The following GTF2IRD1 variants were observed in gnomAD, a reference collection of about 807,000 sequenced individuals.
GTF2IRD1 encodes general transcription factor II-I repeat domain-containing protein 1.
In GTF2IRD1, 26 loss-of-function variants were observed where a neutral mutation model predicts 113.2. The observed-to-expected ratio is 0.23, with a 90% CI of 0.17 to 0.32. The LOEUF is 0.32. Among genes scored for constraint, GTF2IRD1 ranks in the 10% least tolerant of loss-of-function variants. The pLI, the probability that GTF2IRD1 is intolerant of heterozygous loss-of-function variation, is 1.00. For synonymous variants in GTF2IRD1, 484 were observed against 529.1 expected (o/e 0.91, Z 1.17); for missense variants, 864 against 1,280.8 (o/e 0.67, Z 4.97).
chr7:74,602,235 C>A (rs1554374365), intron 26 of GTF2IRD1, 130 bp from the exon 27 acceptor site: 3 of 1,102,040 alleles, frequency 2.7e-6, no homozygotes, highest in Non-Finnish European at 2.5e-6. Context: ...GAGTGAAACT[C>A]CATCTCAAAA....
At chr7:74,530,448 A>C (rs1797892889) in intron 9 of GTF2IRD1, among the ~76,000 whole-genome samples, 1 of 151,158 alleles carries the variant, frequency 6.6e-6, no homozygotes, top group Non-Finnish European at 1.5e-5. Context: ...TGAGGATTGA[A>C]TGGAAAATGC....
intron 1 of GTF2IRD1, among the ~76,000 whole-genome samples, chr7:74,471,665 A>C (rs2117011322): frequency 8.7e-6 from 1 of 115,054 alleles, no homozygotes; most frequent in South Asian, 3.1e-4. Context: ...TATCTTTTTG[A>C]AATATTTAAA....
At chr7:74,488,434 A>T (rs1554335977) in intron 1 of GTF2IRD1, among the ~76,000 whole-genome samples, 1 of 152,192 alleles carries the variant, frequency 6.6e-6, no homozygotes, top group East Asian at 1.9e-4. Context: ...GTAAAGACTG[A>T]CTTAAGTAGG....
At chr7:74,556,407 G>A (rs1298062827) in intron 19 of GTF2IRD1, among the ~76,000 whole-genome samples, 1 of 150,856 alleles carries the variant, frequency 6.6e-6, no homozygotes, top group Non-Finnish European at 1.5e-5. Context: ...TGCAACCTCC[G>A]CTTCCCGGGT....
At chr7:74,484,453 C>CT (rs1173256681) in intron 1 of GTF2IRD1, among the ~76,000 whole-genome samples, 4,052 of 126,076 alleles carry the variant, frequency 0.032, 262 homozygotes, top group African/African-American at 0.11. Flanking sequence ...GGCCATCCTT[C>CT]TTTTTTTTTT....
chr7:74,559,561 C>T (rs190787987), intron 21 of GTF2IRD1, 66 bp from the exon 22 acceptor site: 1 of 1,448,538 alleles, frequency 6.9e-7, no homozygotes, highest in Non-Finnish European at 9.5e-7. Flanking sequence ...GCCACTGAAT[C>T]CCAGGGGTGT....
At chr7:74,577,398 G>A (rs1354289696) in intron 22 of GTF2IRD1, among the ~76,000 whole-genome samples, 3 of 151,984 alleles carry the variant, frequency 2.0e-5, no homozygotes, top group Admixed American at 2.0e-4. Context: ...ACACACACGC[G>A]CACACACATA....
intron 14 of GTF2IRD1, among the ~76,000 whole-genome samples, chr7:74,544,222 ACT>A (rs1798797705): frequency 6.6e-6 from 1 of 151,908 alleles, no homozygotes; most frequent in African/African-American, 2.4e-5. Flanking sequence ...ACGGAGTCTC[ACT>A]CTGTTGCCCA....
At chr7:74,461,793 G>A (rs1793386287) in intron 1 of GTF2IRD1, among the ~76,000 whole-genome samples, 1 of 152,098 alleles carries the variant, frequency 6.6e-6, no homozygotes, top group Non-Finnish European at 1.5e-5. Context: ...TAGCCAGGCT[G>A]GTTTTGAACT....
At chr7:74,468,371 A>AAC (rs1554331453) in intron 1 of GTF2IRD1, among the ~76,000 whole-genome samples, 1 of 151,654 alleles carries the variant, frequency 6.6e-6, no homozygotes, top group African/African-American at 2.4e-5. Context: ...AAAAAAAAAA[A>AAC]AACCCAGCCA....
At position 74,521,218 on chromosome 7, in the gene GTF2IRD1, C is replaced by T; in HGVS notation, c.927C>T (p.Pro309=). ...QDFSDCCGQK[P]TGPGGPLIQN... ...CTCTCCCTTGTCCAGGACAGAAGCC[C>T]ACTGGGCCTGGTGGGCCTCTCATCC... The change falls in exon 7 of 27, where the codon CCC becomes CCT. Residue 309 remains proline, a synonymous_variant. Coordinates refer to ENST00000424337, the MANE Select transcript of GTF2IRD1 (RefSeq NM_005685.4). 1.3e-6 allele frequency: 2 copies of T among 1,599,074 alleles called. No homozygotes were observed. The highest frequency in any genetic ancestry group is 1.7e-6 in the Non-Finnish European group (2 of 1,166,790).
chr7:74,579,915 G>A (rs1338391131), intron 22 of GTF2IRD1, among the ~76,000 whole-genome samples: 1 of 152,116 alleles, frequency 6.6e-6, no homozygotes, highest in African/African-American at 2.4e-5. Context: ...GATCAAAATG[G>A]GTCAAGCCTT....
intron 4 of GTF2IRD1, 46 bp downstream of exon 4, chr7:74,515,642 A>T (rs782556366): frequency 6.4e-7 from 1 of 1,559,146 alleles, no homozygotes; most frequent in Non-Finnish European, 8.7e-7. Context: ...GGAGGGTGGG[A>T]GCCTCGGTCC....
chr7:74,499,421 A>AAGGAAGGG (rs1795903401), intron 1 of GTF2IRD1, among the ~76,000 whole-genome samples: 1 of 150,664 alleles, frequency 6.6e-6, no homozygotes, highest in African/African-American at 2.4e-5. Flanking sequence ...GGAAGGAAGG[A>AAGGAAGGG]AGAGAAGGGA....
rs1800285278 is a variant in GTF2IRD1 at position 74,566,006 on chromosome 7, A to ACAC, written c.2320+6351_2320+6352insCAC. On this transcript the variant is annotated intron_variant, in intron 22 of 26. Transcript: ENST00000424337. ...AGACCCTCTCTCTAAAAGACACACA[A>ACAC]ACACACACACACACACACACACACA... 3.0e-3 allele frequency among the ~76,000 whole-genome samples: 430 copies of ACAC among 143,212 alleles called. 1 individual carries two copies. The highest frequency in any genetic ancestry group is 0.011 in the Middle Eastern group (3 of 282). 94.0% of individuals were successfully genotyped at this position (143,212 alleles called of 152,430 possible). A position where few individuals can be genotyped will look rare whatever the true frequency, so the allele number is the denominator to read the frequency against.
At chr7:74,587,154 C>G (rs1801759901) in intron 22 of GTF2IRD1, among the ~76,000 whole-genome samples, 1 of 151,454 alleles carries the variant, frequency 6.6e-6, no homozygotes, top group Non-Finnish European at 1.5e-5. Flanking sequence ...TCTCAAAAAA[C>G]AGGAGTCAGG....
chr7:74,544,573 G>A (rs1401228778), intron 14 of GTF2IRD1, among the ~76,000 whole-genome samples, 182 bp from the exon 15 acceptor site: 56 of 152,178 alleles, frequency 3.7e-4, no homozygotes, highest in African/African-American at 1.2e-3. Context: ...GCCTGCTTTC[G>A]TGTGAAGGCC....
rs187211885 is a variant in GTF2IRD1 at position 74,482,698 on chromosome 7, A to C, written c.-6-25377A>C. Among the ~76,000 whole-genome samples the C allele has an allele frequency of 5.4e-3, 826 of 152,074 alleles. 5 individuals are homozygous for C. The highest frequency in any genetic ancestry group is 8.6e-3 in the Non-Finnish European group (586 of 67,970). On this transcript the variant is annotated intron_variant, in intron 1 of 26. Coordinates refer to ENST00000424337, the MANE Select transcript of GTF2IRD1 (RefSeq NM_005685.4). ...CCACTCTCCCTGACCCACCACGATA[A>C]CCGCCGTTCCATCTCCTGGCTTCAG...
At chr7:74,589,975 G>T in intron 23 of GTF2IRD1, 47 bp downstream of exon 23, 1 of 1,251,480 alleles carries the variant, frequency 8.0e-7, no homozygotes, top group Non-Finnish European at 1.2e-6. Flanking sequence ...TCCTCCCGGG[G>T]GTGGTGGGGG....
Sources: gnomAD v4.1 joint callset for allele counts (sites outside exome capture counted in the v4.1 genomes callset) on GRCh38, gnomAD v4.1.1 for gene constraint, MANE v1.5 for transcripts, NCBI Gene and HGNC (gene_info 2026-07-23, HGNC 2026-07-21) for gene names.